ART3: variants seen among roughly 807,000 people sequenced by gnomAD.
ART3 encodes ADP-ribosyltransferase 3 (inactive), also known as ecto-ADP-ribosyltransferase 3.
In ART3, 49 loss-of-function variants were observed where a neutral mutation model predicts 48.5. The observed-to-expected ratio is 1.01, with a 90% CI of 0.80 to 1.28. The LOEUF is 1.28. Among genes scored for constraint, ART3 ranks in the 50% most tolerant of loss-of-function variants. ART3 has a pLI of 0.00. For synonymous variants in ART3, 145 were observed against 157.2 expected (o/e 0.92, Z 0.58); for missense variants, 438 against 454.3 (o/e 0.96, Z 0.33).
At chr4:76,103,782 T>C (rs557035069) in intron 8 of ART3, among the ~76,000 whole-genome samples, 155 bp from the exon 9 acceptor site, 1 of 152,084 alleles carries the variant, frequency 6.6e-6, no homozygotes, top group African/African-American at 2.4e-5. Context: ...TGAAGAGCCA[T>C]TGAAAGGTGT....
chr4:76,050,427 T>G (rs1735949204), intron 1 of ART3, among the ~76,000 whole-genome samples: 1 of 151,804 alleles, frequency 6.6e-6, no homozygotes, highest in Non-Finnish European at 1.5e-5. Flanking sequence ...AGATACGGAG[T>G]GTCAATTGGT....
intron 1 of ART3, among the ~76,000 whole-genome samples, chr4:76,039,299 C>T (rs1234019862): frequency 6.6e-6 from 1 of 152,074 alleles, no homozygotes; most frequent in Non-Finnish European, 1.5e-5. Flanking sequence ...GGGGTTTTAC[C>T]ATGTTGGCCA....
At chr4:76,066,393 G>T (rs537965292) in intron 1 of ART3, among the ~76,000 whole-genome samples, 15 of 152,228 alleles carry the variant, frequency 9.9e-5, no homozygotes, top group African/African-American at 3.4e-4. Flanking sequence ...CTGTGGGCAG[G>T]CAGGTCGTCT....
At position 76,080,002 on chromosome 4, in the gene ART3, A is replaced by G. The variant is rs181152816; in HGVS notation, c.70-1822A>G. Among the ~76,000 whole-genome samples the G allele has an allele frequency of 1.9e-3, 285 of 151,732 alleles. 1 individual carries two copies. Among genetic ancestry groups the G allele is most frequent in the African/African-American group, 6.5e-3 (269 of 41,368 alleles). On this transcript the variant is annotated intron_variant, in intron 2 of 11. Transcript: ENST00000355810. ...CTGTAACTTTTTTTTTGAATCTGTA[A>G]CTTTAACAGCTTCTAGCTAAATATG...
chr4:76,035,950 A>T, intron 1 of ART3: 1 of 1,613,982 alleles, frequency 6.2e-7, no homozygotes, highest in Non-Finnish European at 8.5e-7. Context: ...AGCACACAAT[A>T]TCACAGCCAA....
At chr4:76,020,265 A>AT (rs1430249032) in intron 1 of ART3, among the ~76,000 whole-genome samples, 2 of 151,810 alleles carry the variant, frequency 1.3e-5, no homozygotes, top group African/African-American at 2.4e-5. Context: ...TAGCTAAAAA[A>AT]ATATATTTTT....
chr4:76,042,636 T>C (rs1222850106), intron 1 of ART3, among the ~76,000 whole-genome samples: 1 of 152,132 alleles, frequency 6.6e-6, no homozygotes, highest in Non-Finnish European at 1.5e-5. Context: ...CTGGAGTTTG[T>C]TCCTTCTGAT....
intron 8 of ART3, among the ~76,000 whole-genome samples, chr4:76,102,649 A>G (rs762200370): frequency 6.7e-5 from 8 of 119,972 alleles, no homozygotes; most frequent in Non-Finnish European, 1.2e-4. Context: ...AACTGCATAT[A>G]GAGTATAATA....
chr4:76,112,382 A>C lies in ART3; in HGVS notation c.1037-4A>C, dbSNP rs375217558. The C allele has an allele frequency of 1.1e-5, 17 of 1,612,326 alleles. No homozygotes were observed. The highest frequency in any genetic ancestry group is 1.4e-5 in the Non-Finnish European group (16 of 1,179,432). On this transcript the variant is annotated splice_region_variant and splice_polypyrimidine_tract_variant and intron_variant, in intron 11 of 11. Transcript: ENST00000355810. ...TGTCAGTGACTGTGTATTCTTGTTA[A>C]CAGCTCCAGGTCCAGTTCCTGTTCC...
intron 2 of ART3, among the ~76,000 whole-genome samples, chr4:76,079,274 T>A (rs897791470): frequency 5.3e-5 from 8 of 151,896 alleles, no homozygotes; most frequent in African/African-American, 1.9e-4. Context: ...ACTCTGGAGA[T>A]GTTTGTTAAA....
chr4:76,020,381 A>C (rs1348919684), intron 1 of ART3, among the ~76,000 whole-genome samples: 1 of 152,198 alleles, frequency 6.6e-6, no homozygotes, highest in East Asian at 1.9e-4. Flanking sequence ...TACAGGCATG[A>C]GCCACCACAC....
chr4:76,062,550 A>G (rs1027932280), intron 1 of ART3, among the ~76,000 whole-genome samples: 8 of 146,408 alleles, frequency 5.5e-5, no homozygotes, highest in African/African-American at 1.5e-4. Flanking sequence ...ATGTGAAAGA[A>G]AAATAAATCT....
chr4:76,091,236 C>T (rs1400323756), intron 3 of ART3, among the ~76,000 whole-genome samples: 11 of 152,130 alleles, frequency 7.2e-5, no homozygotes, highest in Admixed American at 7.2e-4. Context: ...TGGACATATG[C>T]TTTCATTACA....
At chr4:76,011,774 C>T (rs1216028501) in intron 1 of ART3, among the ~76,000 whole-genome samples, 1 of 152,336 alleles carries the variant, frequency 6.6e-6, no homozygotes, top group African/African-American at 2.4e-5. Flanking sequence ...GGGGCCGCTG[C>T]GCCCAGCTCA....
chr4:76,050,642 G>A (rs1264081027), intron 1 of ART3, among the ~76,000 whole-genome samples: 4 of 152,212 alleles, frequency 2.6e-5, no homozygotes, highest in Admixed American at 6.5e-5. Flanking sequence ...TGCCAGTCCC[G>A]GTGCTGTGTG....
chr4:76,095,433 A>G (rs980029845), intron 3 of ART3, among the ~76,000 whole-genome samples: 2 of 152,144 alleles, frequency 1.3e-5, no homozygotes, highest in African/African-American at 4.8e-5. Context: ...GCTTGAACCC[A>G]GGAGGCGGAG....
chr4:76,037,762 C>T (rs942015562), intron 1 of ART3, among the ~76,000 whole-genome samples: 2 of 151,930 alleles, frequency 1.3e-5, no homozygotes, highest in Non-Finnish European at 2.9e-5. Flanking sequence ...TTTTTAGCTC[C>T]TGTCTTTGTA....
At chr4:76,104,292 C>T in intron 9 of ART3, 5 of 941,666 alleles carry the variant, frequency 5.3e-6, no homozygotes, top group Non-Finnish European at 6.3e-6. Context: ...AGAAACCTAC[C>T]TTTACGCACA....
intron 1 of ART3, among the ~76,000 whole-genome samples, chr4:76,069,236 C>T (rs1190543944): frequency 2.1e-5 from 3 of 140,058 alleles, no homozygotes; most frequent in African/African-American, 6.4e-5. Context: ...GAAATGTTTT[C>T]ATTACTCTAA....
Sources: gnomAD v4.1 joint callset for allele counts (sites outside exome capture counted in the v4.1 genomes callset) on GRCh38, gnomAD v4.1.1 for gene constraint, MANE v1.5 for transcripts, NCBI Gene and HGNC (gene_info 2026-07-23, HGNC 2026-07-21) for gene names.